TTC12: variants seen among roughly 807,000 people sequenced by gnomAD.
TTC12 encodes the protein tetratricopeptide repeat protein 12.
In TTC12, 70 loss-of-function variants were observed where a neutral mutation model predicts 90.1. That is an observed-to-expected ratio of 0.78 (90% CI 0.64 to 0.95). TTC12 has a LOEUF of 0.95. Ranked by LOEUF, TTC12 falls within the 40% of genes least tolerant of loss-of-function variation. The probability of loss-of-function intolerance (pLI) is 0.00; values close to 1 mark genes in which losing one functional copy is unlikely to be tolerated. For missense variants in TTC12, 819 were observed against 846.1 expected (o/e 0.97, Z 0.40); for synonymous variants, 296 against 311.5 (o/e 0.95, Z 0.53).
Position 113,349,519 on chromosome 11 carries a change from T to C in TTC12, c.1155-554T>C, listed in dbSNP as rs538886385. On this transcript the variant is annotated intron_variant, in intron 13 of 21. Coordinates refer to ENST00000529221, the MANE Select transcript of TTC12 (RefSeq NM_017868.4). ...GTGTTTGTAAGTGGCTAAAAATCCT[T>C]AAATCTTTCTCATAGGAACCAGTTA... 3.3e-5 allele frequency among the ~76,000 whole-genome samples: 5 copies of C among 152,334 alleles called. No individual in the cohort carries two copies. In the East Asian group the frequency reaches 7.7e-4, roughly 23 times the overall value.
At chr11:113,347,219 T>C (rs1949018969) in intron 13 of TTC12, among the ~76,000 whole-genome samples, 1 of 150,434 alleles carries the variant, frequency 6.6e-6, no homozygotes, top group Admixed American at 6.6e-5. Flanking sequence ...AACAAATAAA[T>C]TATTTTTGAC....
At chr11:113,331,375 A>G (rs1175219242) in intron 7 of TTC12, among the ~76,000 whole-genome samples, 2 of 152,186 alleles carry the variant, frequency 1.3e-5, no homozygotes, top group Non-Finnish European at 2.9e-5. Context: ...ACAGCAAACA[A>G]CATCATTTGC....
At chr11:113,324,507 T>C in intron 4 of TTC12, 98 bp from the exon 5 acceptor site, 1 of 887,708 alleles carries the variant, frequency 1.1e-6, no homozygotes, top group East Asian at 2.6e-5. Flanking sequence ...TGCATATGCA[T>C]ACGTGTGGCT....
intron 7 of TTC12, among the ~76,000 whole-genome samples, chr11:113,334,223 T>C (rs1178240298): frequency 3.9e-5 from 6 of 152,224 alleles, no homozygotes; most frequent in African/African-American, 1.4e-4. Flanking sequence ...CAATAAATGT[T>C]CATCAACTGG....
chr11:113,372,899 C>A (rs1396460228), intron 21 of TTC12, among the ~76,000 whole-genome samples: 1 of 152,110 alleles, frequency 6.6e-6, no homozygotes, highest in East Asian at 1.9e-4. Context: ...GGCAGCTCCC[C>A]ACCATACCAT....
intron 19 of TTC12, 33 bp from the exon 20 acceptor site, chr11:113,363,795 A>T: frequency 6.7e-7 from 1 of 1,496,690 alleles, no homozygotes; most frequent in Non-Finnish European, 9.3e-7. Flanking sequence ...CATAGCACTG[A>T]TTTTATTTTT....
Position 113,329,962 on chromosome 11 carries a change from T to C in TTC12, c.487T>C (p.Cys163Arg). The change falls in exon 7 of 22, where the codon TGT becomes CGT. Residue 163 changes from cysteine (C) to arginine (R), a missense_variant. Physicochemically the swap from Cys to Arg is radical, Grantham distance 180 (BLOSUM62 -3). Coordinates refer to ENST00000529221, the MANE Select transcript of TTC12 (RefSeq NM_017868.4). The part of the protein sequence containing the change: ...LEDYEKALVD[C>R]EWALKCDEKC... ...GGACTATGAGAAGGCACTGGTGGAT[T>C]GTGAGTGGGCTCTCAAGGTAAGAGG... 1 of 1,613,622 alleles carries C rather than the reference T, an allele frequency of 6.2e-7. No homozygotes were observed. Among genetic ancestry groups the C allele is most frequent in the Non-Finnish European group, 8.5e-7 (1 of 1,179,512 alleles).
At chr11:113,366,026 C>T (rs775583206) in intron 21 of TTC12, among the ~76,000 whole-genome samples, 199 bp from the exon 22 acceptor site, 45 of 152,276 alleles carry the variant, frequency 3.0e-4, no homozygotes, top group Middle Eastern at 3.4e-3. Context: ...GTTTTCAGTG[C>T]TTTGTGGGCC....
At chr11:113,322,362 G>A (rs2137921346) in intron 2 of TTC12, among the ~76,000 whole-genome samples, 1 of 152,270 alleles carries the variant, frequency 6.6e-6, no homozygotes, top group South Asian at 2.1e-4. Context: ...TGCAAAATAT[G>A]ACAATGGAAT....
rs782512154 is a variant in TTC12, at chr11:113,362,457, G to A, written c.1671G>A (p.Glu557=). 1.3e-5 allele frequency: 21 copies of A among 1,614,052 alleles called. No homozygotes were observed. In the South Asian group the frequency reaches 2.2e-4, roughly 17 times the overall value. ...TLSSSLKIVE[E]ALRAGVVKKM... ...CTTCCTCTCTGAAAATTGTTGAGGA[G>A]GCCTTGCGAGCAGGAGTGGTAAAGA... is the stretch of plus-strand genomic sequence containing the variant. Residue 557 remains glutamate (E), a synonymous_variant, in exon 19 of 22, where the codon GAG becomes GAA. Coordinates refer to ENST00000529221, the MANE Select transcript of TTC12 (RefSeq NM_017868.4).
At chr11:113,354,368 CTG>C (rs1253240545) in intron 16 of TTC12, among the ~76,000 whole-genome samples, 2 of 152,156 alleles carry the variant, frequency 1.3e-5, no homozygotes. Flanking sequence ...TGGGCCAAGA[CTG>C]TGATTTTTTC....
intron 13 of TTC12, among the ~76,000 whole-genome samples, chr11:113,349,558 A>C (rs1949153759): frequency 6.6e-6 from 1 of 152,254 alleles, no homozygotes; most frequent in African/African-American, 2.4e-5. Flanking sequence ...ACCAGGTCTC[A>C]CAATTCTGTT....
chr11:113,350,247 A>G (rs757926333), intron 14 of TTC12, 82 bp downstream of exon 14: 12 of 1,123,800 alleles, frequency 1.1e-5, no homozygotes, highest in Non-Finnish European at 1.6e-5. Flanking sequence ...TGCTGTATTC[A>G]GAGAGGCTAG....
intron 4 of TTC12, 52 bp downstream of exon 4, chr11:113,324,067 T>G (rs536018496): frequency 6.8e-7 from 1 of 1,463,240 alleles, no homozygotes; most frequent in South Asian, 1.2e-5. Context: ...AGGACCAGTT[T>G]TGATTGATTG....
chr11:113,360,897 G>A (rs782498523), intron 18 of TTC12, among the ~76,000 whole-genome samples: 2 of 152,216 alleles, frequency 1.3e-5, no homozygotes, highest in Non-Finnish European at 2.9e-5. Context: ...TTTCACAGAC[G>A]GGGCATCGTA....
At chr11:113,334,219 ATGTTCATCAAC>A (rs1948221596) in intron 7 of TTC12, among the ~76,000 whole-genome samples, 1 of 152,194 alleles carries the variant, frequency 6.6e-6, no homozygotes, top group African/African-American at 2.4e-5. Context: ...AGTTCAATAA[ATGTTCATCAAC>A]TGGATGTCTT....
chr11:113,331,375 A>ATG (rs1948054412), intron 7 of TTC12, among the ~76,000 whole-genome samples: 1 of 152,186 alleles, frequency 6.6e-6, no homozygotes, highest in African/African-American at 2.4e-5. Context: ...ACAGCAAACA[A>ATG]CATCATTTGC....
Position 113,366,365 on chromosome 11 carries a change from A to G in TTC12, c.*65A>G. 1.2e-6 allele frequency: 2 copies of G among 1,604,378 alleles called. No homozygotes were observed. The highest frequency in any genetic ancestry group is 1.7e-6 in the Non-Finnish European group (2 of 1,178,226). ...GCACACCGTGTGTTGTTCCTATGCT[A>G]ATAAAGACCTTTGATGTATCCACTT... On this transcript the variant is annotated 3_prime_UTR_variant, in exon 22 of 22. Coordinates refer to ENST00000529221, the MANE Select transcript of TTC12 (RefSeq NM_017868.4).
At chr11:113,366,152 G>A in intron 21 of TTC12, 73 bp from the exon 22 acceptor site, 1 of 1,525,604 alleles carries the variant, frequency 6.6e-7, no homozygotes, top group Non-Finnish European at 9.0e-7. Context: ...CATCTGAGAG[G>A]GTGTTGGCTC....
Sources: allele counts gnomAD v4.1 joint callset (sites outside exome capture counted in the v4.1 genomes callset), GRCh38; gene constraint gnomAD v4.1.1; transcripts MANE v1.5; gene names NCBI Gene and HGNC (gene_info 2026-07-23, HGNC 2026-07-21).